ADK: variants seen among roughly 807,000 people sequenced by gnomAD.
ADK encodes the protein adenosine kinase.
In ADK, 24 loss-of-function variants were observed where a neutral mutation model predicts 44.7. That is an observed-to-expected ratio of 0.54 (90% CI 0.39 to 0.76). The LOEUF is 0.76. ADK is among the 30% of genes least tolerant of loss of function. ADK has a pLI of 0.00. For synonymous variants in ADK, 128 were observed against 142.6 expected (o/e 0.90, Z 0.73); for missense variants, 321 against 425.1 (o/e 0.76, Z 2.15).
At chr10:74,642,907 A>G (rs928953653) in intron 9 of ADK, among the ~76,000 whole-genome samples, 4 of 146,596 alleles carry the variant, frequency 2.7e-5, no homozygotes, top group Non-Finnish European at 5.9e-5. Flanking sequence ...TAGCATGATC[A>G]TAGCTCACTG....
At chr10:74,661,150 A>T (rs1045280637) in intron 9 of ADK, 2 of 174,690 alleles carry the variant, frequency 1.1e-5, no homozygotes, top group African/African-American at 4.8e-5. Context: ...TACTCCCTCT[A>T]CTCTCTATGG....
chr10:74,391,131 G>GTTT (rs534723302), intron 4 of ADK, among the ~76,000 whole-genome samples: 157 of 152,144 alleles, frequency 1.0e-3, no homozygotes, highest in African/African-American at 3.6e-3. Flanking sequence ...TTTATTTGTT[G>GTTT]TTTTTGTTCC....
chr10:74,529,878 G>A (rs915994348), intron 7 of ADK, among the ~76,000 whole-genome samples: 1 of 152,114 alleles, frequency 6.6e-6, no homozygotes, highest in African/African-American at 2.4e-5. Context: ...GTATTTTATT[G>A]AAGCAGTCTC....
chr10:74,537,068 A>G (rs911529753), intron 7 of ADK, among the ~76,000 whole-genome samples: 3 of 152,170 alleles, frequency 2.0e-5, no homozygotes, highest in African/African-American at 7.2e-5. Context: ...TCCTACCATC[A>G]ATACACAAGG....
chr10:74,270,798 C>G (rs1474196871), intron 3 of ADK, among the ~76,000 whole-genome samples: 2 of 152,280 alleles, frequency 1.3e-5, no homozygotes, highest in South Asian at 2.1e-4. Flanking sequence ...CATTATAGGT[C>G]CTGCTGATCA....
chr10:74,232,991 T>A (rs1408567633), intron 3 of ADK, among the ~76,000 whole-genome samples: 2 of 152,226 alleles, frequency 1.3e-5, no homozygotes, highest in South Asian at 4.1e-4. Context: ...GAAAAATGTG[T>A]GTTATTGGTG....
intron 6 of ADK, chr10:74,509,496 T>C (rs1203344880): frequency 6.6e-6 from 1 of 152,262 alleles, no homozygotes; most frequent in East Asian, 1.9e-4. Context: ...CGGCCCATAA[T>C]GATGTTTTGA....
At chr10:74,184,195 G>C (rs1388655483) in intron 1 of ADK, among the ~76,000 whole-genome samples, 2 of 152,212 alleles carry the variant, frequency 1.3e-5, no homozygotes, top group African/African-American at 4.8e-5. Flanking sequence ...TGGGACTACA[G>C]GTGTGAGCCA....
intron 6 of ADK, among the ~76,000 whole-genome samples, chr10:74,453,424 TG>T (rs1845842866): frequency 6.6e-6 from 1 of 152,132 alleles, no homozygotes; most frequent in African/African-American, 2.4e-5. Context: ...CATGTGAGAA[TG>T]GTTCATTTTG....
intron 7 of ADK, among the ~76,000 whole-genome samples, chr10:74,553,179 C>T (rs1315350574): frequency 6.4e-5 from 9 of 139,826 alleles, no homozygotes; most frequent in East Asian, 2.2e-4. Flanking sequence ...GACAATTTTT[C>T]AGCACATTGT....
At chr10:74,426,366 C>A (rs1030108079) in intron 6 of ADK, among the ~76,000 whole-genome samples, 9 of 152,080 alleles carry the variant, frequency 5.9e-5, no homozygotes, top group Non-Finnish European at 1.2e-4. Flanking sequence ...TATAAATGAC[C>A]AGTTCTAGAA....
In ADK at chr10:74,510,771, G is replaced by A. The variant is rs566274304; in HGVS notation, c.556-14485G>A. 7.2e-5 allele frequency among the ~76,000 whole-genome samples: 11 copies of A among 152,206 alleles called. 1 individual carries two copies. The South Asian group carries it at 1.0e-3, about 14-fold the overall frequency. ...CACCCAGGCTGCAGTGCAGTGGTGC[G>A]ATAATGACTCACTGCAGCCTTGACC... On this transcript the variant is annotated intron_variant, in intron 6 of 10. Transcript: ENST00000539909.
chr10:74,224,439 A>G lies in ADK; in HGVS notation c.141-99A>G, dbSNP rs1389667134. The stretch of plus-strand genomic sequence containing the variant: ...TGGTGTTTTATCAATTAAGTCAGAG[A>G]CCTATAACAGTGTTGGAGTGCTTGT... On this transcript the variant is annotated intron_variant, in intron 2 of 10. Coordinates refer to ENST00000539909, the MANE Select transcript of ADK (RefSeq NM_006721.4). 6.8e-6 allele frequency: 6 copies of G among 886,146 alleles called. No homozygotes were observed. In the Admixed American group the frequency reaches 1.1e-4, roughly 17 times the overall value. The allele number at this position is 886,146 out of a possible 1,614,324, so 54.9% of individuals were successfully genotyped here.
At position 74,477,975 on chromosome 10, in the gene ADK, T is replaced by C. The variant is rs12098843; in HGVS notation, c.556-47281T>C. On this transcript the variant is annotated intron_variant, in intron 6 of 10. Transcript: ENST00000539909. The stretch of plus-strand genomic sequence containing the variant: ...TATTTTATGTTCTAAATTTTGTCTC[T>C]TCATTTATACTTACATGGTAGTTTG... 3.9e-3 allele frequency among the ~76,000 whole-genome samples: 599 copies of C among 152,336 alleles called. 3 individuals are homozygous for C. Among genetic ancestry groups the C allele is most frequent in the African/African-American group, 0.013 (555 of 41,574 alleles).
intron 10 of ADK, among the ~76,000 whole-genome samples, chr10:74,707,763 CAAAA>C (rs565886417): frequency 2.9e-5 from 3 of 104,036 alleles, no homozygotes. Context: ...AACTCCACCT[CAAAA>C]AAAAAAAAAA....
At chr10:74,505,091 G>A (rs1848013214) in intron 6 of ADK, among the ~76,000 whole-genome samples, 1 of 152,024 alleles carries the variant, frequency 6.6e-6, no homozygotes, top group African/African-American at 2.4e-5. Context: ...TAGCAGGGGT[G>A]GAAATGATGA....
intron 4 of ADK, among the ~76,000 whole-genome samples, chr10:74,316,075 T>TA (rs879283877): frequency 5.3e-5 from 8 of 151,764 alleles, no homozygotes; most frequent in South Asian, 2.1e-4. Flanking sequence ...CCGTCTCTCC[T>TA]AAAAAAATAC....
At chr10:74,565,076 AT>A (rs1850606319) in intron 7 of ADK, among the ~76,000 whole-genome samples, 1 of 152,208 alleles carries the variant, frequency 6.6e-6, no homozygotes, top group African/African-American at 2.4e-5. Context: ...CCCTGAGAAA[AT>A]TGCTAAGTAT....
chr10:74,180,208 T>TTTATTATTATTA (rs201127930), intron 1 of ADK, among the ~76,000 whole-genome samples: 10 of 96,528 alleles, frequency 1.0e-4, no homozygotes, highest in African/African-American at 2.9e-4. Context: ...CTCTTTTCTT[T>TTTATTATTATTA]TTATTATTAT....
Sources: allele counts gnomAD v4.1 joint callset (sites outside exome capture counted in the v4.1 genomes callset), GRCh38; gene constraint gnomAD v4.1.1; transcripts MANE v1.5; gene names NCBI Gene and HGNC (gene_info 2026-07-23, HGNC 2026-07-21).